Variants in NLRC4 observed in about 807,000 individuals in gnomAD.
The protein encoded by NLRC4 is NLR family CARD domain-containing protein 4.
Under a neutral mutation model 79.9 loss-of-function variants are expected in NLRC4, and 63 were observed. The observed-to-expected ratio is 0.79, with a 90% CI of 0.64 to 0.97. The LOEUF (loss-of-function observed/expected upper bound fraction) is 0.97, where lower values mean the gene tolerates loss of function less well. NLRC4 is among the 50% of genes least tolerant of loss of function. The pLI, the probability that NLRC4 is intolerant of heterozygous loss-of-function variation, is 0.00. For synonymous variants in NLRC4, 461 were observed against 456.5 expected (o/e 1.01, Z -0.12); for missense variants, 1,074 against 1,215.2 (o/e 0.88, Z 1.73).
Position 32,251,234 on chromosome 2 carries a change from A to C in NLRC4, c.630T>G (p.Gly210=). 1 of 1,614,084 alleles carries C rather than the reference A, an allele frequency of 6.2e-7. No individual in the cohort carries two copies. Among genetic ancestry groups the C allele is most frequent in the Non-Finnish European group, 8.5e-7 (1 of 1,180,014 alleles). Residue 210 remains glycine (G), a synonymous_variant, in exon 4 of 9, where the codon GGT becomes GGG. Transcript: ENST00000402280. ...GATCACAGAGGGTTTCAAAAAGTCC[A>C]CCCTGGGCCCTGCTGAGACGGAGGA... ...VFFLRLSRAQ[G]GLFETLCDQL...
chr2:32,254,623 T>G (rs928486197), intron 2 of NLRC4, among the ~76,000 whole-genome samples: 1 of 149,396 alleles, frequency 6.7e-6, no homozygotes, highest in East Asian at 1.9e-4. Context: ...GTTTTTTTTT[T>G]TTTTTTTTTT....
rs777502913 is a variant in NLRC4, at chr2:32,249,953, T to G, written c.1911A>C (p.Glu637Asp). 1 of 1,614,088 alleles carries G rather than the reference T, an allele frequency of 6.2e-7. No homozygotes were observed. Among genetic ancestry groups the G allele is most frequent in the Non-Finnish European group, 8.5e-7 (1 of 1,180,050 alleles). Residue 637 changes from glutamate to aspartate, a missense_variant, in exon 4 of 9, where the codon GAA (glutamate) becomes GAC (aspartate). Physicochemically the swap from Glu to Asp is conservative, Grantham distance 45. Coordinates refer to ENST00000402280, the MANE Select transcript of NLRC4 (RefSeq NM_001199138.2). Reference sequence around the variant, plus strand: ...TGGGAATGTAGGTTTCTGGGGCCTCTTCCATGTGGATTCCACCTGTGTCTT... The same window carrying G: ...TGGGAATGTAGGTTTCTGGGGCCTCGTCCATGTGGATTCCACCTGTGTCTT... ...AAEDTGGIHM[E>D]EAPETYIPSR...
At chr2:32,244,963 G>C (rs1272337384) in intron 4 of NLRC4, among the ~76,000 whole-genome samples, 1 of 151,976 alleles carries the variant, frequency 6.6e-6, no homozygotes, top group African/African-American at 2.4e-5. Context: ...AGCGAGGTGT[G>C]GTGGCACATG....
chr2:32,235,600 G>T (rs1218508824), intron 7 of NLRC4, 32 bp from the exon 8 acceptor site: 2 of 1,594,640 alleles, frequency 1.3e-6, no homozygotes, highest in South Asian at 1.1e-5. Flanking sequence ...TCAGGGACTG[G>T]ATGGTCTCAA....
intron 2 of NLRC4, among the ~76,000 whole-genome samples, chr2:32,254,304 A>G (rs1475295648): frequency 6.6e-6 from 1 of 151,840 alleles, no homozygotes; most frequent in Non-Finnish European, 1.5e-5. Context: ...GTTAGCTACT[A>G]TTTTTAGCCT....
intron 1 of NLRC4, among the ~76,000 whole-genome samples, chr2:32,259,339 C>T (rs937495045): frequency 1.4e-5 from 2 of 139,356 alleles, no homozygotes; most frequent in African/African-American, 5.4e-5. Flanking sequence ...AACTCCTGGG[C>T]TAAAGTGATC....
At chr2:32,231,727 A>T (rs1686543889) in intron 8 of NLRC4, among the ~76,000 whole-genome samples, 1 of 151,590 alleles carries the variant, frequency 6.6e-6, no homozygotes, top group East Asian at 2.0e-4. Flanking sequence ...ACGCTGCCAC[A>T]CCCAGCTAAT....
At position 32,249,734 on chromosome 2, in the gene NLRC4, G is replaced by A; in HGVS notation, c.2130C>T (p.Thr710=). The change falls in exon 4 of 9, where the codon ACC becomes ACT. Residue 710 remains threonine (T), a synonymous_variant. Coordinates refer to ENST00000402280, the MANE Select transcript of NLRC4 (RefSeq NM_001199138.2). The part of the protein sequence containing the change: ...VAGSLSLVLS[T]CKNIYSLMVE... ...CCATGAGAGAATAAATGTTCTTACA[G>A]GTGCTGAGGACCAAACTGAGGCTTC... 1 of 1,614,174 alleles carries A rather than the reference G, an allele frequency of 6.2e-7. No individual in the cohort carries two copies. Among genetic ancestry groups the A allele is most frequent in the Admixed American group, 1.7e-5 (1 of 60,018 alleles).
intron 8 of NLRC4, among the ~76,000 whole-genome samples, chr2:32,231,140 G>C (rs1027759619): frequency 2.0e-5 from 3 of 152,018 alleles, no homozygotes; most frequent in African/African-American, 7.2e-5. Flanking sequence ...TTTTTTATCA[G>C]TGAGTTGTAA....
In NLRC4 at chr2:32,250,040, G is replaced by A. The variant is rs455060; in HGVS notation, c.1824C>T (p.Ala608=). The stretch of plus-strand genomic sequence containing the variant: ...AAAAGTCCAGTTTAATGAAGTCCAG[G>A]GCACTTGCACAATTGGGCAAATGTT... The part of the protein sequence containing the change: ...FFEHLPNCAS[A]LDFIKLDFYG... The change falls in exon 4 of 9, where the codon GCC becomes GCT. Residue 608 remains alanine, a synonymous_variant. Coordinates refer to ENST00000402280, the MANE Select transcript of NLRC4 (RefSeq NM_001199138.2). This position sits in a 1 kb window ranked among gnomAD's most constrained non-coding sequence, Gnocchi z 4.9. 0.61 allele frequency: 984,552 copies of A among 1,613,862 alleles called. 302,413 individuals carry two copies. Among genetic ancestry groups the A allele is most frequent in the African/African-American group, 0.68 (51,270 of 74,954 alleles).
chr2:32,263,589 G>A (rs773138338), intron 1 of NLRC4, among the ~76,000 whole-genome samples: 5 of 152,084 alleles, frequency 3.3e-5, no homozygotes, highest in African/African-American at 1.2e-4. Context: ...AGGTCATTAA[G>A]CTCAAATGAG....
chr2:32,227,927 C>A (rs1248560866), intron 8 of NLRC4, among the ~76,000 whole-genome samples: 2 of 152,048 alleles, frequency 1.3e-5, no homozygotes, highest in South Asian at 2.1e-4. Context: ...ATCTCAGATG[C>A]CCTGGGTAGA....
In NLRC4 at chr2:32,251,319, A is replaced by G. The variant is rs575897563; in HGVS notation, c.545T>C (p.Ile182Thr). ...CTTTCCGGAGCCCCAGAGCATGGCA[A>G]TTCGCTGCAGCAGAGTGGACTTGCC... The part of the protein sequence containing the change: ...GKGKSTLLQR[I>T]AMLWGSGKCK... The change falls in exon 4 of 9, where the codon ATT becomes ACT. Residue 182 changes from isoleucine to threonine, a missense_variant. Coordinates refer to ENST00000402280, the MANE Select transcript of NLRC4 (RefSeq NM_001199138.2). 6.2e-6 allele frequency: 10 copies of G among 1,614,124 alleles called. No individual in the cohort carries two copies. The highest frequency in any genetic ancestry group is 1.3e-5 in the African/African-American group (1 of 75,006).
chr2:32,260,188 C>T (rs1363867544), intron 1 of NLRC4, among the ~76,000 whole-genome samples: 1 of 130,132 alleles, frequency 7.7e-6, no homozygotes, highest in Admixed American at 9.1e-5. Flanking sequence ...AAGATCGTGC[C>T]ACCACACTCC....
intron 4 of NLRC4, among the ~76,000 whole-genome samples, chr2:32,242,028 T>C (rs759048440): frequency 2.0e-5 from 3 of 152,212 alleles, no homozygotes; most frequent in East Asian, 3.9e-4. Flanking sequence ...ATCAAAGTTA[T>C]TATGCCTTTA....
intron 1 of NLRC4, among the ~76,000 whole-genome samples, chr2:32,259,957 G>C (rs563440074): frequency 6.6e-6 from 1 of 152,134 alleles, no homozygotes; most frequent in African/African-American, 2.4e-5. Context: ...GGCCGGGCAC[G>C]GTGGCTCACG....
chr2:32,243,852 T>A (rs1686864659), intron 4 of NLRC4, among the ~76,000 whole-genome samples: 1 of 150,420 alleles, frequency 6.6e-6, no homozygotes, highest in African/African-American at 2.5e-5. Flanking sequence ...ATATAGGGAA[T>A]GCAGGATGCT....
chr2:32,262,194 C>T (rs1023427592), intron 1 of NLRC4, among the ~76,000 whole-genome samples: 3 of 152,182 alleles, frequency 2.0e-5, no homozygotes, highest in Admixed American at 6.5e-5. Flanking sequence ...CTACCACTGA[C>T]ACACTAAGAG....
intron 8 of NLRC4, among the ~76,000 whole-genome samples, chr2:32,225,209 G>A (rs754403686): frequency 6.6e-6 from 1 of 152,102 alleles, no homozygotes; most frequent in Non-Finnish European, 1.5e-5. Flanking sequence ...CTGTAAACTT[G>A]AGTAAGTGAG....
Sources: gnomAD v4.1 joint callset for allele counts (sites outside exome capture counted in the v4.1 genomes callset) on GRCh38, gnomAD v4.1.1 for gene constraint, Gnocchi (gnomAD v3.1) non-coding constraint, MANE v1.5 for transcripts, NCBI Gene and HGNC (gene_info 2026-07-23, HGNC 2026-07-21) for gene names.